Variants in COMMD1 observed in about 807,000 individuals in gnomAD.
The protein encoded by COMMD1 is copper metabolism domain containing 1.
In COMMD1, 10 loss-of-function variants were observed where a neutral mutation model predicts 17.2. The observed-to-expected ratio is 0.58, with a 90% confidence interval of 0.36 to 0.99. COMMD1 has a LOEUF of 0.99. Among genes scored for constraint, COMMD1 ranks in the 50% least tolerant of loss-of-function variants. The pLI is 0.01. For missense variants in COMMD1, 270 were observed against 231.8 expected (o/e 1.17, Z -1.07); for synonymous variants, 97 against 91.6 (o/e 1.06, Z -0.34).
chr2:62,016,525 T>C (rs1018432023), intron 2 of COMMD1, among the ~76,000 whole-genome samples: 13 of 151,116 alleles, frequency 8.6e-5, no homozygotes, highest in Non-Finnish European at 1.6e-4. Context: ...TTTTTTTTTT[T>C]CCTACACCAA....
intron 1 of COMMD1, among the ~76,000 whole-genome samples, chr2:61,911,470 G>A (rs1669904864): frequency 6.6e-6 from 1 of 152,024 alleles, no homozygotes; most frequent in Non-Finnish European, 1.5e-5. Context: ...GCAAAACTCT[G>A]TTATTTATTT....
intron 2 of COMMD1, among the ~76,000 whole-genome samples, chr2:62,031,087 A>T (rs1241966259): frequency 6.6e-6 from 1 of 152,176 alleles, no homozygotes; most frequent in Non-Finnish European, 1.5e-5. Context: ...TTTGTGAAAC[A>T]TCCTCTGAAT....
chr2:61,890,789 T>C (rs953859686), intron 1 of COMMD1, among the ~76,000 whole-genome samples: 9 of 138,002 alleles, frequency 6.5e-5, no homozygotes, highest in South Asian at 2.3e-4. Context: ...ATTGCGCCAC[T>C]GCACTCCAGC....
At chr2:62,048,405 G>C (rs1421646247) in intron 2 of COMMD1, among the ~76,000 whole-genome samples, 1 of 151,950 alleles carries the variant, frequency 6.6e-6, no homozygotes, top group Non-Finnish European at 1.5e-5. Context: ...TGTCAGGATA[G>C]TCTTGATCTC....
intron 1 of COMMD1, among the ~76,000 whole-genome samples, chr2:61,968,684 G>A (rs2103716262): frequency 6.6e-6 from 1 of 152,104 alleles, no homozygotes; most frequent in Non-Finnish European, 1.5e-5. Context: ...AGCCTTTCCA[G>A]TAGTTGTCAC....
intron 1 of COMMD1, among the ~76,000 whole-genome samples, chr2:61,977,278 C>G (rs568251772): frequency 8.3e-4 from 91 of 109,334 alleles, no homozygotes; most frequent in African/African-American, 3.3e-3. Context: ...CAGTTTCACT[C>G]TTGTTGCCCA....
chr2:62,056,081 C>T (rs1670691782), intron 2 of COMMD1, among the ~76,000 whole-genome samples: 1 of 152,208 alleles, frequency 6.6e-6, no homozygotes. Flanking sequence ...TCAGTATATG[C>T]ACAGACAGAG....
At chr2:62,000,552 A>C (rs1456607700) in intron 1 of COMMD1, 149 bp from the exon 2 acceptor site, 3 of 784,486 alleles carry the variant, frequency 3.8e-6, no homozygotes, top group Non-Finnish European at 6.2e-6. Context: ...TCTGCCTCCC[A>C]AAGTGCTGAG....
At chr2:62,048,226 A>G (rs1670436972) in intron 2 of COMMD1, among the ~76,000 whole-genome samples, 1 of 135,988 alleles carries the variant, frequency 7.4e-6, no homozygotes, top group African/African-American at 2.9e-5. Flanking sequence ...TCTGTCGCCC[A>G]GGCTGGAGTG....
intron 1 of COMMD1, among the ~76,000 whole-genome samples, chr2:61,933,318 G>A (rs1168890574): frequency 6.6e-6 from 1 of 151,860 alleles, no homozygotes; most frequent in South Asian, 2.1e-4. Context: ...TTAGCTGCTG[G>A]TATCCCTAAC....
At chr2:62,080,841 T>A (rs1671495366) in intron 2 of COMMD1, among the ~76,000 whole-genome samples, 1 of 151,996 alleles carries the variant, frequency 6.6e-6, no homozygotes, top group Non-Finnish European at 1.5e-5. Context: ...CTCAGGCAAG[T>A]TGCTTTACTG....
rs571521796 is a variant in COMMD1, at chr2:61,960,429, C to T, written c.181-40272C>T. 2.4e-4 allele frequency among the ~76,000 whole-genome samples: 36 copies of T among 152,180 alleles called. 2 individuals are homozygous for T. Among genetic ancestry groups the T allele is most frequent in the Admixed American group, 2.2e-3 (34 of 15,290 alleles). On this transcript the variant is annotated intron_variant, in intron 1 of 2. Transcript: ENST00000311832. ...TAATACACCAACAAGAAGGAGTATA[C>T]TTAATACAGTAGCTAAGGAGGTGAG...
chr2:61,898,590 G>C (rs1181744391), intron 1 of COMMD1, among the ~76,000 whole-genome samples: 2 of 152,022 alleles, frequency 1.3e-5, no homozygotes, highest in African/African-American at 4.8e-5. Flanking sequence ...GTAAAACTTT[G>C]GGGCCCTTGG....
chr2:61,937,471 A>G (rs1321824624), intron 1 of COMMD1, among the ~76,000 whole-genome samples: 2 of 152,188 alleles, frequency 1.3e-5, no homozygotes, highest in South Asian at 2.1e-4. Context: ...GGGACTCCGT[A>G]TGGCCAAGGG....
intron 2 of COMMD1, among the ~76,000 whole-genome samples, chr2:62,019,080 C>G (rs1227968688): frequency 1.7e-5 from 2 of 120,450 alleles, no homozygotes; most frequent in Non-Finnish European, 3.3e-5. Context: ...CTTTCTCTCT[C>G]TCTTTCTTTC....
At chr2:61,909,569 G>A (rs1669853762) in intron 1 of COMMD1, among the ~76,000 whole-genome samples, 1 of 152,206 alleles carries the variant, frequency 6.6e-6, no homozygotes, top group Admixed American at 6.6e-5. Context: ...GGTAACCAAT[G>A]TGGAGTATTG....
At chr2:62,008,385 C>CAT (rs1433180288) in intron 2 of COMMD1, among the ~76,000 whole-genome samples, 23 of 141,116 alleles carry the variant, frequency 1.6e-4, no homozygotes, top group Non-Finnish European at 2.3e-4. Context: ...CACACACACA[C>CAT]ACACATATAT....
chr2:62,055,303 C>G, intron 2 of COMMD1: 1 of 399,146 alleles, frequency 2.5e-6, no homozygotes, highest in South Asian at 1.8e-5. Flanking sequence ...TAACCCTAGC[C>G]AAAATAAGTA....
At chr2:61,936,370 G>A (rs763799100) in intron 1 of COMMD1, among the ~76,000 whole-genome samples, 5 of 152,148 alleles carry the variant, frequency 3.3e-5, no homozygotes, top group Non-Finnish European at 5.9e-5. Flanking sequence ...TGAGCCTTCA[G>A]GGAAGCATTC....
Sources: gnomAD v4.1 joint callset for allele counts (sites outside exome capture counted in the v4.1 genomes callset) on GRCh38, gnomAD v4.1.1 for gene constraint, MANE v1.5 for transcripts, NCBI Gene and HGNC (gene_info 2026-07-23, HGNC 2026-07-21) for gene names.